Variants in RAPGEF2 observed in about 807,000 individuals in gnomAD.
RAPGEF2 encodes Rap guanine nucleotide exchange factor 2.
RAPGEF2 carries 54 observed loss-of-function variants against 186.7 expected under a neutral mutation model. The ratio of observed to expected loss-of-function variants is 0.29; its 90% CI spans 0.23 to 0.36. The LOEUF is 0.36. RAPGEF2 is among the 10% of genes least tolerant of loss of function. RAPGEF2 has a pLI of 1.00. For synonymous variants in RAPGEF2, 712 were observed against 705.9 expected (o/e 1.01, Z -0.14); for missense variants, 1,532 against 2,045.0 (o/e 0.75, Z 4.84).
intron 3 of RAPGEF2, among the ~76,000 whole-genome samples, chr4:159,197,197 C>T (rs1382897443): frequency 6.6e-6 from 1 of 152,136 alleles, no homozygotes; most frequent in Non-Finnish European, 1.5e-5. Context: ...GTAAAAGTTG[C>T]AGCATACTGC....
chr4:159,164,834 C>A (rs1745127029), intron 1 of RAPGEF2, among the ~76,000 whole-genome samples: 2 of 152,136 alleles, frequency 1.3e-5, no homozygotes, highest in Non-Finnish European at 2.9e-5. Flanking sequence ...CTGCTAGGAT[C>A]ATAAAAATTT....
chr4:159,158,391 C>T (rs1290705392), intron 1 of RAPGEF2, among the ~76,000 whole-genome samples: 1 of 152,128 alleles, frequency 6.6e-6, no homozygotes, highest in African/African-American at 2.4e-5. Flanking sequence ...TGTCTTGAGT[C>T]TAAAAGGACT....
chr4:159,317,835 A>G (rs1477350711), intron 9 of RAPGEF2, among the ~76,000 whole-genome samples: 1 of 152,216 alleles, frequency 6.6e-6, no homozygotes, highest in Admixed American at 6.5e-5. Context: ...AACGTTGCCT[A>G]TGAATAGATT....
intron 7 of RAPGEF2, among the ~76,000 whole-genome samples, chr4:159,286,819 A>G (rs1050754563): frequency 1.3e-5 from 2 of 152,168 alleles, no homozygotes; most frequent in African/African-American, 4.8e-5. Flanking sequence ...ATATTATTCT[A>G]ATTCTCTGCC....
chr4:159,151,199 G>A (rs1743495747), intron 1 of RAPGEF2, among the ~76,000 whole-genome samples: 2 of 151,436 alleles, frequency 1.3e-5, no homozygotes, highest in African/African-American at 4.9e-5. Flanking sequence ...AGGTTCAACT[G>A]TTTAAAGTAC....
At chr4:159,157,472 G>T (rs530804800) in intron 1 of RAPGEF2, among the ~76,000 whole-genome samples, 1 of 152,100 alleles carries the variant, frequency 6.6e-6, no homozygotes, top group Non-Finnish European at 1.5e-5. Flanking sequence ...TATAGTTTGG[G>T]AATCATAAAC....
At chr4:159,192,580 CAG>C (rs553680167) in intron 2 of RAPGEF2, among the ~76,000 whole-genome samples, 14 of 152,274 alleles carry the variant, frequency 9.2e-5, no homozygotes, top group African/African-American at 2.9e-4. Context: ...ATGCTATTCT[CAG>C]GGTAATTTTG....
intron 1 of RAPGEF2, among the ~76,000 whole-genome samples, chr4:159,170,734 A>T (rs1745826678): frequency 1.3e-5 from 2 of 151,872 alleles, no homozygotes. Context: ...TCTATTTTTG[A>T]TTTTGTTGCC....
rs116529046 is a variant in RAPGEF2 at position 159,113,292 on chromosome 4, C to T, written c.69+9061C>T. ...CACAATTATTGTAGATGCTAAATTA[C>T]GGGAAGCTGGGTAAACAGGGGATCT... On this transcript the variant is annotated intron_variant, in intron 1 of 29. Coordinates refer to ENST00000691494, the MANE Select transcript of RAPGEF2 (RefSeq NM_001394067.2). 8.7e-3 allele frequency among the ~76,000 whole-genome samples: 1,318 copies of T among 152,182 alleles called. 24 individuals are homozygous for T. Among genetic ancestry groups the T allele is most frequent in the African/African-American group, 0.03 (1,248 of 41,518 alleles).
chr4:159,125,353 T>A (rs1199555233), intron 1 of RAPGEF2, among the ~76,000 whole-genome samples: 1 of 152,224 alleles, frequency 6.6e-6, no homozygotes, highest in Non-Finnish European at 1.5e-5. Flanking sequence ...TACATTTCCT[T>A]ATCTTGTGTC....
chr4:159,323,331 A>G, intron 10 of RAPGEF2, 128 bp from the exon 11 acceptor site: 1 of 686,642 alleles, frequency 1.5e-6, no homozygotes, highest in Non-Finnish European at 2.3e-6. Context: ...GTTAAACAGT[A>G]AACTTGAGTT....
intron 1 of RAPGEF2, among the ~76,000 whole-genome samples, chr4:159,186,343 A>G (rs1022103893): frequency 6.6e-6 from 1 of 152,042 alleles, no homozygotes; most frequent in African/African-American, 2.4e-5. Context: ...TGTACTTGCT[A>G]TTTTGATGTA....
At chr4:159,133,676 C>T (rs1040767141) in intron 1 of RAPGEF2, among the ~76,000 whole-genome samples, 3 of 151,972 alleles carry the variant, frequency 2.0e-5, no homozygotes, top group Non-Finnish European at 2.9e-5. Context: ...CTCCACCTCC[C>T]GGGTTCATGC....
At chr4:159,170,159 G>C (rs917327390) in intron 1 of RAPGEF2, among the ~76,000 whole-genome samples, 1 of 151,284 alleles carries the variant, frequency 6.6e-6, no homozygotes, top group African/African-American at 2.4e-5. Context: ...TGGATGATTA[G>C]TGATCTTGAA....
chr4:159,243,053 C>G (rs1754195625), intron 6 of RAPGEF2, among the ~76,000 whole-genome samples: 1 of 151,612 alleles, frequency 6.6e-6, no homozygotes, highest in Non-Finnish European at 1.5e-5. Context: ...CATTCAGTTT[C>G]CTTACACGGC....
At chr4:159,292,447 T>A (rs1337925136) in intron 7 of RAPGEF2, among the ~76,000 whole-genome samples, 1 of 152,170 alleles carries the variant, frequency 6.6e-6, no homozygotes, top group Non-Finnish European at 1.5e-5. Flanking sequence ...CCTGGATACT[T>A]AATTAATTTT....
chr4:159,113,063 C>T (rs1483790167), intron 1 of RAPGEF2, among the ~76,000 whole-genome samples: 1 of 152,092 alleles, frequency 6.6e-6, no homozygotes, highest in Non-Finnish European at 1.5e-5. Context: ...GGACATTTTA[C>T]AAAATAACTG....
At chr4:159,300,913 G>C (rs1040263020) in intron 7 of RAPGEF2, among the ~76,000 whole-genome samples, 2 of 152,142 alleles carry the variant, frequency 1.3e-5, no homozygotes, top group Admixed American at 6.5e-5. Context: ...TACATGGTTT[G>C]TTTGCCTCCT....
intron 1 of RAPGEF2, among the ~76,000 whole-genome samples, chr4:159,150,692 A>C (rs1430278304): frequency 6.6e-6 from 1 of 152,232 alleles, no homozygotes; most frequent in East Asian, 1.9e-4. Context: ...TGCTCTGTGC[A>C]TGTCCCTTGA....
Sources: allele counts gnomAD v4.1 joint callset (sites outside exome capture counted in the v4.1 genomes callset), GRCh38; gene constraint gnomAD v4.1.1; transcripts MANE v1.5; gene names NCBI Gene and HGNC (gene_info 2026-07-23, HGNC 2026-07-21).